GSK3B: variants seen among roughly 807,000 people sequenced by gnomAD.
GSK3B encodes the protein glycogen synthase kinase 3 beta, also known as glycogen synthase kinase-3 beta.
Under a neutral mutation model 56.4 loss-of-function variants are expected in GSK3B, and 15 were observed. The observed-to-expected ratio is 0.27, with a 90% CI of 0.18 to 0.41. The LOEUF (loss-of-function observed/expected upper bound fraction) is 0.41. Among genes scored for constraint, GSK3B ranks in the 10% least tolerant of loss-of-function variants. GSK3B has a pLI of 1.00. For missense variants in GSK3B, 300 were observed against 513.4 expected (o/e 0.58, Z 4.02); for synonymous variants, 181 against 188.9 (o/e 0.96, Z 0.34).
At chr3:119,893,475 A>G (rs1258952604) in intron 7 of GSK3B, among the ~76,000 whole-genome samples, 1 of 152,166 alleles carries the variant, frequency 6.6e-6, no homozygotes, top group Non-Finnish European at 1.5e-5. Context: ...TCCAAAAGGC[A>G]AAGAGCAAAA....
intron 4 of GSK3B, 118 bp from the exon 5 acceptor site, chr3:119,916,292 T>C (rs939459558): frequency 9.3e-6 from 7 of 752,530 alleles, no homozygotes; most frequent in African/African-American, 7.0e-5. Flanking sequence ...TATGGATTAC[T>C]GGCACTCAAT....
At chr3:120,082,716 G>A (rs1315034929) in intron 1 of GSK3B, among the ~76,000 whole-genome samples, 3 of 151,742 alleles carry the variant, frequency 2.0e-5, no homozygotes, top group Non-Finnish European at 4.4e-5. Flanking sequence ...TGTTCTTTAA[G>A]TGTAAAACAC....
At chr3:119,910,482 A>C (rs991170505) in intron 6 of GSK3B, among the ~76,000 whole-genome samples, 2 of 152,208 alleles carry the variant, frequency 1.3e-5, no homozygotes, top group Non-Finnish European at 2.9e-5. Flanking sequence ...ATTACTAAAA[A>C]AAAATGCTAA....
chr3:120,010,231 T>A (rs1044317535), intron 1 of GSK3B, among the ~76,000 whole-genome samples: 1 of 152,182 alleles, frequency 6.6e-6, no homozygotes, highest in Non-Finnish European at 1.5e-5. Context: ...TAATCTGAGT[T>A]CTAAATTATC....
intron 1 of GSK3B, among the ~76,000 whole-genome samples, chr3:120,049,796 G>A (rs760745112): frequency 1.2e-4 from 19 of 152,118 alleles, no homozygotes; most frequent in African/African-American, 2.4e-4. Flanking sequence ...TAAAAGGCCC[G>A]ACAGTAAACA....
chr3:120,076,603 CAGG>C (rs1349804075), intron 1 of GSK3B, among the ~76,000 whole-genome samples: 1 of 151,884 alleles, frequency 6.6e-6, no homozygotes, highest in African/African-American at 2.4e-5. Context: ...ATCACGAGGT[CAGG>C]AGATCGAGAC....
At chr3:119,838,208 G>GAA (rs1279773183) in intron 10 of GSK3B, among the ~76,000 whole-genome samples, 1 of 151,906 alleles carries the variant, frequency 6.6e-6, no homozygotes, top group Non-Finnish European at 1.5e-5. Context: ...AGAATCACTT[G>GAA]AACCCAGGAG....
intron 7 of GSK3B, among the ~76,000 whole-genome samples, chr3:119,902,474 G>A (rs2056634639): frequency 6.6e-6 from 1 of 152,132 alleles, no homozygotes; most frequent in Non-Finnish European, 1.5e-5. Context: ...TTGGCTTACT[G>A]CAACATCTGC....
rs1022698559 is a variant in GSK3B, at chr3:119,825,548, TAA to T, written c.*1238_*1239del. 2 of 228,096 alleles carry T rather than the reference TAA, an allele frequency of 8.8e-6. No individual in the cohort carries two copies. The highest frequency in any genetic ancestry group is 1.7e-5 in the Non-Finnish European group (2 of 115,084). 14.1% of individuals were successfully genotyped at this position (228,096 alleles called of 1,614,324 possible). A position where few individuals can be genotyped will look rare whatever the true frequency, so the allele number is the denominator to read the frequency against. On this transcript the variant is annotated 3_prime_UTR_variant, in exon 11 of 11. Coordinates refer to ENST00000264235, the MANE Select transcript of GSK3B (RefSeq NM_001146156.2). ...CACATTTATATCATCAGCTTTCCTA[TAA>T]AGTCAGCAGGTATAAGTGACTGTAT... is the stretch of plus-strand genomic sequence containing the variant.
intron 1 of GSK3B, among the ~76,000 whole-genome samples, chr3:120,031,565 T>C (rs778454074): frequency 2.0e-5 from 3 of 152,046 alleles, no homozygotes; most frequent in South Asian, 2.1e-4. Flanking sequence ...AACAAGGAAG[T>C]AGAGGGACAG....
intron 1 of GSK3B, among the ~76,000 whole-genome samples, chr3:120,023,762 T>C (rs759527930): frequency 4.6e-5 from 7 of 152,110 alleles, no homozygotes; most frequent in African/African-American, 7.2e-5. Context: ...ACAATCTAGG[T>C]ACCATGAAAA....
At chr3:119,832,639 T>C (rs2055621649) in intron 10 of GSK3B, among the ~76,000 whole-genome samples, 1 of 152,246 alleles carries the variant, frequency 6.6e-6, no homozygotes, top group Admixed American at 6.5e-5. Context: ...ATATTAGATT[T>C]AATTCTTTTT....
intron 1 of GSK3B, among the ~76,000 whole-genome samples, chr3:120,089,885 A>G (rs1168329657): frequency 6.6e-6 from 1 of 152,196 alleles, no homozygotes; most frequent in Non-Finnish European, 1.5e-5. Context: ...ATAGCAAGTA[A>G]AAAGTAGTAT....
In GSK3B at chr3:120,094,384, G is replaced by GGGCGGCGGCGGCGGC. The variant is rs556855605; in HGVS notation, c.-965_-951dup. The GGGCGGCGGCGGCGGC allele has an allele frequency of 2.2e-4, 67 of 311,096 alleles. No individual in the cohort carries two copies. Among genetic ancestry groups the GGGCGGCGGCGGCGGC allele is most frequent in the African/African-American group, 1.3e-3 (61 of 45,416 alleles). 19.3% of individuals were successfully genotyped at this position (311,096 alleles called of 1,614,324 possible). On this transcript the variant is annotated 5_prime_UTR_variant, in exon 1 of 11. Transcript: ENST00000264235. ...CCTTCCTTCCTTTGTCACTTGGCCC[G>GGGCGGCGGCGGCGGC]GGCGGCGGCGGCGGCGGCGGCGGCA...
chr3:119,855,523 T>C (rs1022166744), intron 9 of GSK3B, among the ~76,000 whole-genome samples: 10 of 152,198 alleles, frequency 6.6e-5, no homozygotes, highest in South Asian at 2.1e-4. Flanking sequence ...TAAAGACACA[T>C]GCACATGTAA....
rs1371080848 is a variant in GSK3B at position 119,863,579 on chromosome 3, C to T, written c.936G>A (p.Glu312=). Residue 312 remains glutamate (E), a synonymous_variant, in exon 9 of 11, where the codon GAG becomes GAA. Coordinates refer to ENST00000264235, the MANE Select transcript of GSK3B (RefSeq NM_001146156.2). ...GCAGACGGCTACACAGTGCAATTGC[C>T]TCCGGTGGAGTTCGGGGTCGGAAGA... ...TKVFRPRTPP[E]AIALCSRLLE... 5 of 1,612,664 alleles carry T rather than the reference C, an allele frequency of 3.1e-6. No individual in the cohort carries two copies. The Admixed American group carries it at 8.3e-5, about 27-fold the overall frequency.
chr3:119,929,210 C>T (rs1034042270), intron 3 of GSK3B, among the ~76,000 whole-genome samples: 10 of 152,016 alleles, frequency 6.6e-5, no homozygotes, highest in African/African-American at 2.2e-4. Context: ...ATAAAGAGAA[C>T]AAATTAACAG....
intron 2 of GSK3B, among the ~76,000 whole-genome samples, chr3:119,959,984 T>C (rs2057255848): frequency 1.3e-5 from 2 of 151,902 alleles, no homozygotes; most frequent in African/African-American, 4.8e-5. Context: ...AACCGGCATA[T>C]GAATGTTCAA....
chr3:120,029,468 AGTGTTATTATCTGCAG>A lies in GSK3B; in HGVS notation c.89-27245_89-27230del. 2.3e-5 allele frequency: 16 copies of A among 691,390 alleles called. 1 individual carries two copies. The highest frequency in any genetic ancestry group is 2.2e-4 in the South Asian group (15 of 67,780). The allele number at this position is 691,390 out of a possible 1,614,324, so 42.8% of individuals were successfully genotyped here. On this transcript the variant is annotated intron_variant, in intron 1 of 10. Transcript: ENST00000264235. ...ACAGTGAACATTCTGGATCAAGAGCAGTGTTATTATCTGCAGGTGTTATTTCCAATTGTGTCAGTTA... is the reference window on the plus strand; with the variant it reads ...ACAGTGAACATTCTGGATCAAGAGCAGTGTTATTTCCAATTGTGTCAGTTA...
Sources: allele counts gnomAD v4.1 joint callset (sites outside exome capture counted in the v4.1 genomes callset), GRCh38; gene constraint gnomAD v4.1.1; transcripts MANE v1.5; gene names NCBI Gene and HGNC (gene_info 2026-07-23, HGNC 2026-07-21).